Variants in ERBB4 observed in about 807,000 individuals in gnomAD.
The protein encoded by ERBB4 is erb-b2 receptor tyrosine kinase 4, also known as receptor tyrosine-protein kinase erbB-4.
Under a neutral mutation model 158.0 loss-of-function variants are expected in ERBB4, and 42 were observed. That is an observed-to-expected ratio of 0.27 (90% CI 0.21 to 0.34). The LOEUF is 0.34. Ranked by LOEUF, ERBB4 falls within the 10% of genes least tolerant of loss-of-function variation. ERBB4 has a pLI of 1.00. For missense variants in ERBB4, 1,333 were observed against 1,624.1 expected (o/e 0.82, Z 3.08); for synonymous variants, 583 against 558.7 (o/e 1.04, Z -0.61).
chr2:211,402,064 A>G (rs1342427810), intron 25 of ERBB4, among the ~76,000 whole-genome samples: 1 of 151,996 alleles, frequency 6.6e-6, no homozygotes, highest in East Asian at 1.9e-4. Flanking sequence ...ACATATTCAC[A>G]AAGAAGAGAA....
chr2:211,496,642 G>A (rs546287071), intron 20 of ERBB4, among the ~76,000 whole-genome samples: 1 of 151,716 alleles, frequency 6.6e-6, no homozygotes, highest in South Asian at 2.1e-4. Context: ...TTTGATTACT[G>A]GTATTTCTGC....
intron 1 of ERBB4, among the ~76,000 whole-genome samples, chr2:212,387,351 A>G (rs1206731826): frequency 6.6e-6 from 1 of 152,150 alleles, no homozygotes; most frequent in Admixed American, 6.6e-5. Flanking sequence ...GCGTTGAAGA[A>G]TTTGGGCCTC....
intron 1 of ERBB4, among the ~76,000 whole-genome samples, chr2:212,536,833 A>C (rs141384628): frequency 6.6e-6 from 1 of 152,136 alleles, no homozygotes; most frequent in Non-Finnish European, 1.5e-5. Flanking sequence ...CTAAGCCTGC[A>C]TGTCGGTCGC....
chr2:211,990,926 T>C (rs1302914677), intron 2 of ERBB4, among the ~76,000 whole-genome samples: 2 of 152,020 alleles, frequency 1.3e-5, no homozygotes, highest in Non-Finnish European at 2.9e-5. Flanking sequence ...AAATATTATT[T>C]TCATAATTAT....
At chr2:211,966,237 T>TATG (rs1195520049) in intron 2 of ERBB4, among the ~76,000 whole-genome samples, 1 of 151,950 alleles carries the variant, frequency 6.6e-6, no homozygotes, top group East Asian at 1.9e-4. Flanking sequence ...AGAATTTCAA[T>TATG]ATTATTATTA....
chr2:212,269,292 CA>C (rs1159521180), intron 1 of ERBB4, among the ~76,000 whole-genome samples: 1 of 151,822 alleles, frequency 6.6e-6, no homozygotes, highest in Non-Finnish European at 1.5e-5. Context: ...AGCTATATGC[CA>C]GTGAGAAATC....
chr2:211,950,093 C>G (rs952493276), intron 2 of ERBB4, among the ~76,000 whole-genome samples: 22 of 152,056 alleles, frequency 1.4e-4, no homozygotes, highest in Non-Finnish European at 2.6e-4. Context: ...GAAAAAGGCC[C>G]ATTTAGATTC....
chr2:212,137,609 A>G (rs1419750228), intron 1 of ERBB4, among the ~76,000 whole-genome samples: 1 of 152,164 alleles, frequency 6.6e-6, no homozygotes, highest in Non-Finnish European at 1.5e-5. Context: ...TGTATTTGCT[A>G]TTGTGAACAA....
At chr2:212,323,745 C>T (rs905883) in intron 1 of ERBB4, among the ~76,000 whole-genome samples, 115,649 of 150,082 alleles carry the variant, frequency 0.77, 47,188 homozygotes, top group Non-Finnish European at 0.89. Flanking sequence ...GGTTATTTAT[C>T]TTTTGGAGCC....
At chr2:211,880,676 A>C (rs1010482380) in intron 3 of ERBB4, among the ~76,000 whole-genome samples, 1 of 152,218 alleles carries the variant, frequency 6.6e-6, no homozygotes, top group East Asian at 1.9e-4. Flanking sequence ...CCTGTATCAG[A>C]GCAACATGAA....
chr2:211,932,514 G>C (rs952865842), intron 3 of ERBB4, among the ~76,000 whole-genome samples: 16 of 151,826 alleles, frequency 1.1e-4, no homozygotes, highest in African/African-American at 3.9e-4. Context: ...CCAGCTAGTT[G>C]ATTTAAATAG....
At chr2:212,097,377 T>C (rs1168137760) in intron 2 of ERBB4, among the ~76,000 whole-genome samples, 1 of 152,086 alleles carries the variant, frequency 6.6e-6, no homozygotes, top group East Asian at 1.9e-4. Flanking sequence ...TGAAAACCAT[T>C]TCAGGTAAAG....
At chr2:211,721,600 A>G (rs2074096171) in intron 7 of ERBB4, among the ~76,000 whole-genome samples, 1 of 135,774 alleles carries the variant, frequency 7.4e-6, no homozygotes, top group Non-Finnish European at 1.5e-5. Context: ...TGTTTTATTT[A>G]AGGTTAATTT....
chr2:212,296,049 T>A (rs6721920), intron 1 of ERBB4, among the ~76,000 whole-genome samples: 112,312 of 151,926 alleles, frequency 0.74, 45,829 homozygotes, highest in Non-Finnish European at 0.9. Context: ...TCTGTTGTCT[T>A]TCTGTAAGAA....
chr2:212,264,119 A>G (rs1394666597), intron 1 of ERBB4, among the ~76,000 whole-genome samples: 1 of 152,164 alleles, frequency 6.6e-6, no homozygotes, highest in Non-Finnish European at 1.5e-5. Flanking sequence ...ATGGCTCCAC[A>G]GAAAGGGGCT....
intron 2 of ERBB4, among the ~76,000 whole-genome samples, chr2:212,057,992 G>A (rs1235580631): frequency 1.3e-5 from 2 of 151,436 alleles, no homozygotes; most frequent in East Asian, 1.9e-4. Flanking sequence ...GAATCCAGGA[G>A]CTGGTTGTTT....
chr2:212,273,664 T>C lies in ERBB4; in HGVS notation c.83-148761A>G, dbSNP rs1024751130. Among the ~76,000 whole-genome samples the C allele has an allele frequency of 3.3e-5, 5 of 151,940 alleles. No individual in the cohort carries two copies. The South Asian group carries it at 6.2e-4, about 19-fold the overall frequency. ...ACTAATAACATTTAGTTAGCTCTAT[T>C]TTGGATCTGTGTCAGAGGTAAAGTA... is the stretch of plus-strand genomic sequence containing the variant. On this transcript the variant is annotated intron_variant, in intron 1 of 27. Coordinates refer to ENST00000342788, the MANE Select transcript of ERBB4 (RefSeq NM_005235.3).
At chr2:212,207,560 A>G (rs1247954615) in intron 1 of ERBB4, among the ~76,000 whole-genome samples, 3 of 152,214 alleles carry the variant, frequency 2.0e-5, no homozygotes, top group African/African-American at 7.2e-5. Flanking sequence ...TCAATCTTAC[A>G]CTAAATATAA....
rs202142228 is a variant in ERBB4, at chr2:211,944,217, C to T, written c.421+3213G>A. 8.4e-3 allele frequency among the ~76,000 whole-genome samples: 82 copies of T among 9,734 alleles called. 2 individuals carry two copies. Among genetic ancestry groups the T allele is most frequent in the Non-Finnish European group, 0.012 (45 of 3,750 alleles). The allele number at this position is 9,734 out of a possible 152,430, so 6.4% of individuals were successfully genotyped here. ...TATATATACTATATATATATATACA[C>T]ACACACACAAAAAAAAAGAACACTT... On this transcript the variant is annotated intron_variant, in intron 3 of 27. Transcript: ENST00000342788.
Sources: allele counts gnomAD v4.1 joint callset (sites outside exome capture counted in the v4.1 genomes callset), GRCh38; gene constraint gnomAD v4.1.1; transcripts MANE v1.5; gene names NCBI Gene and HGNC (gene_info 2026-07-23, HGNC 2026-07-21).